The following PDE1A variants were observed in gnomAD, a reference collection of about 807,000 sequenced individuals.
PDE1A encodes dual specificity calcium/calmodulin-dependent 3',5'-cyclic nucleotide phosphodiesterase 1A.
PDE1A carries 35 observed loss-of-function variants against 61.7 expected under a neutral mutation model. The observed-to-expected ratio is 0.57, with a 90% CI of 0.43 to 0.75. PDE1A has a LOEUF of 0.75. Ranked by LOEUF, PDE1A falls within the 30% of genes least tolerant of loss-of-function variation. The probability of loss-of-function intolerance (pLI) is 0.00; values close to 1 mark genes in which losing one functional copy is unlikely to be tolerated. For synonymous variants in PDE1A, 232 were observed against 213.2 expected (o/e 1.09, Z -0.77); for missense variants, 597 against 630.6 (o/e 0.95, Z 0.57).
intron 2 of PDE1A, among the ~76,000 whole-genome samples, chr2:182,502,979 T>C (rs1396868790): frequency 1.3e-5 from 2 of 151,872 alleles, no homozygotes; most frequent in Non-Finnish European, 2.9e-5. Flanking sequence ...TAAGGAACTG[T>C]AGACCCAGTT....
intron 1 of PDE1A, among the ~76,000 whole-genome samples, chr2:182,335,499 C>A (rs2124991421): frequency 6.6e-6 from 1 of 152,234 alleles, no homozygotes; most frequent in African/African-American, 2.4e-5. Context: ...ACAACCCTGA[C>A]AAAAACAAGC....
At chr2:182,252,110 TGAATAAAA>T (rs1691444338) in intron 2 of PDE1A, among the ~76,000 whole-genome samples, 1 of 152,158 alleles carries the variant, frequency 6.6e-6, no homozygotes, top group African/African-American at 2.4e-5. Context: ...GTTGAATAAA[TGAATAAAA>T]GTATAGAAAA....
chr2:182,207,316 A>G (rs1209910431), intron 7 of PDE1A, among the ~76,000 whole-genome samples: 3 of 152,192 alleles, frequency 2.0e-5, no homozygotes, highest in African/African-American at 7.2e-5. Context: ...GACTCTGAGT[A>G]TTTGAGTACT....
chr2:182,589,360 C>T, the PDE1A span, among the ~76,000 whole-genome samples: 5 of 151,772 alleles, frequency 3.3e-5, no homozygotes, highest in South Asian at 1.0e-3. Context: ...TGACAATCTC[C>T]ACTGAGATTC....
At chr2:182,709,815 A>T in the PDE1A span, among the ~76,000 whole-genome samples, 3 of 152,218 alleles carry the variant, frequency 2.0e-5, no homozygotes. Flanking sequence ...TCTGAAGTAG[A>T]GATGTGTCTT....
At chr2:182,251,507 T>A (rs890111404) in intron 2 of PDE1A, among the ~76,000 whole-genome samples, 2 of 152,176 alleles carry the variant, frequency 1.3e-5, no homozygotes, top group South Asian at 4.1e-4. Context: ...TTGTTAGAAA[T>A]GAAAGTTCCC....
chr2:182,632,423 A>G, the PDE1A span, among the ~76,000 whole-genome samples: 1 of 152,162 alleles, frequency 6.6e-6, no homozygotes, highest in Non-Finnish European at 1.5e-5. Flanking sequence ...TAAACATTTG[A>G]TAATGAATTC....
intron 1 of PDE1A, among the ~76,000 whole-genome samples, chr2:182,288,925 T>G: frequency 6.6e-6 from 1 of 152,130 alleles, no homozygotes; most frequent in East Asian, 1.9e-4. Flanking sequence ...AAGATTTTTC[T>G]TTTGACAATG....
the PDE1A span, among the ~76,000 whole-genome samples, chr2:182,537,060 C>T: frequency 6.6e-6 from 1 of 152,190 alleles, no homozygotes; most frequent in African/African-American, 2.4e-5. Context: ...GAGCCAGAAC[C>T]ACTTAGTTGA....
At chr2:182,156,250 G>C (rs1315709441) in intron 13 of PDE1A, among the ~76,000 whole-genome samples, 2 of 152,076 alleles carry the variant, frequency 1.3e-5, no homozygotes, top group South Asian at 2.1e-4. Flanking sequence ...AACAATATTA[G>C]TAGCAACAGT....
intron 1 of PDE1A, among the ~76,000 whole-genome samples, chr2:182,330,103 G>C (rs1209281006): frequency 1.3e-5 from 2 of 151,958 alleles, no homozygotes; most frequent in Non-Finnish European, 2.9e-5. Context: ...CACCACTTTG[G>C]GAGGCTGAGG....
At chr2:182,433,807 C>T (rs1704075326) in intron 2 of PDE1A, among the ~76,000 whole-genome samples, 1 of 152,192 alleles carries the variant, frequency 6.6e-6, no homozygotes, top group Middle Eastern at 3.4e-3. Flanking sequence ...GCTCATTCCC[C>T]ACTACCTGTG....
At chr2:182,688,188 A>T in the PDE1A span, among the ~76,000 whole-genome samples, 12 of 152,180 alleles carry the variant, frequency 7.9e-5, no homozygotes, top group Non-Finnish European at 1.8e-4. Flanking sequence ...TGCAACAAAG[A>T]TACTCCTTGA....
chr2:182,370,636 T>A (rs1303027550), intron 1 of PDE1A, among the ~76,000 whole-genome samples: 1 of 152,116 alleles, frequency 6.6e-6, no homozygotes, highest in African/African-American at 2.4e-5. Flanking sequence ...GCTGTTAGAT[T>A]TAAAATGAGT....
chr2:182,518,834 T>C (rs1690378163), intron 2 of PDE1A, among the ~76,000 whole-genome samples: 1 of 152,154 alleles, frequency 6.6e-6, no homozygotes, highest in African/African-American at 2.4e-5. Context: ...ACCTGAAAAA[T>C]GCTCATTTTC....
At chr2:182,622,208 T>C in the PDE1A span, among the ~76,000 whole-genome samples, 1 of 152,206 alleles carries the variant, frequency 6.6e-6, no homozygotes, top group African/African-American at 2.4e-5. Context: ...AGTCCTCTAA[T>C]CCAAGTGGTT....
the PDE1A span, among the ~76,000 whole-genome samples, chr2:182,688,775 A>C: frequency 1.3e-5 from 2 of 152,224 alleles, no homozygotes; most frequent in Non-Finnish European, 2.9e-5. Flanking sequence ...TGCTGTATTC[A>C]GGAAACCCAT....
the PDE1A span, among the ~76,000 whole-genome samples, chr2:182,665,811 C>T: frequency 2.0e-5 from 3 of 152,188 alleles, no homozygotes; most frequent in African/African-American, 7.2e-5. Context: ...GACATGGAAT[C>T]AACCCAAACG....
intron 1 of PDE1A, among the ~76,000 whole-genome samples, chr2:182,405,126 C>A (rs1388816736): frequency 6.6e-6 from 1 of 152,114 alleles, no homozygotes; most frequent in Non-Finnish European, 1.5e-5. Flanking sequence ...TTTTCAGTTC[C>A]ATTTTAATAT....
Sources: gnomAD v4.1 joint callset for allele counts (sites outside exome capture counted in the v4.1 genomes callset) on GRCh38, gnomAD v4.1.1 for gene constraint, MANE v1.5 for transcripts, NCBI Gene and HGNC (gene_info 2026-07-23, HGNC 2026-07-21) for gene names.